Variants in GALNT3 observed in about 807,000 individuals in gnomAD.
GALNT3 encodes the protein GalNAc transferase 3.
In GALNT3, 51 loss-of-function variants were observed where a neutral mutation model predicts 69.8. The observed-to-expected ratio is 0.73, with a 90% CI of 0.58 to 0.92. The LOEUF is 0.92. GALNT3 is among the 40% of genes least tolerant of loss of function. GALNT3 has a pLI of 0.00. For missense variants in GALNT3, 711 were observed against 760.0 expected (o/e 0.94, Z 0.76); for synonymous variants, 265 against 248.5 (o/e 1.07, Z -0.63).
At chr2:165,755,498 T>C (rs772487438) in intron 7 of GALNT3, among the ~76,000 whole-genome samples, 2 of 152,168 alleles carry the variant, frequency 1.3e-5, no homozygotes, top group Non-Finnish European at 2.9e-5. Flanking sequence ...CTATCTCTTC[T>C]CCATCAAGAT....
intron 1 of GALNT3, among the ~76,000 whole-genome samples, chr2:165,777,733 C>G (rs1302822925): frequency 6.6e-6 from 1 of 152,204 alleles, no homozygotes; most frequent in Non-Finnish European, 1.5e-5. Flanking sequence ...TGCATGAAGA[C>G]AGCCACATTC....
chr2:165,753,593 A>G (rs1450645741), intron 9 of GALNT3, among the ~76,000 whole-genome samples: 1 of 152,170 alleles, frequency 6.6e-6, no homozygotes, highest in African/African-American at 2.4e-5. Context: ...TCTGGCATGC[A>G]GGGCTCACTC....
intron 1 of GALNT3, among the ~76,000 whole-genome samples, chr2:165,781,254 A>T (rs928477134): frequency 1.3e-5 from 2 of 152,114 alleles, no homozygotes. Flanking sequence ...GTTACTCTGT[A>T]AACAGGTTGA....
chr2:165,776,324 GAATT>G (rs914123719), intron 1 of GALNT3, among the ~76,000 whole-genome samples: 2 of 152,152 alleles, frequency 1.3e-5, no homozygotes, highest in African/African-American at 4.8e-5. Flanking sequence ...AGAAGTTTGA[GAATT>G]GATAAGAAAA....
chr2:165,757,033 T>C lies in GALNT3; in HGVS notation c.1392+14A>G, dbSNP rs756789966. 7 of 1,590,660 alleles carry C rather than the reference T, an allele frequency of 4.4e-6. No individual in the cohort carries two copies. The East Asian group carries it at 8.9e-5, about 20-fold the overall frequency. ...TAGATTTTATTGCAATTTAACTACT[T>C]AGCTTTAACTTACTTGTTTAACAAT... On this transcript the variant is annotated intron_variant, in intron 7 of 10. Transcript: ENST00000392701.
intron 6 of GALNT3, among the ~76,000 whole-genome samples, chr2:165,757,953 C>T (rs966500943): frequency 6.6e-5 from 10 of 152,124 alleles, no homozygotes; most frequent in African/African-American, 2.2e-4. Context: ...ATACTATGTG[C>T]TTGTAGTAGA....
At chr2:165,761,770 G>T in intron 4 of GALNT3, 135 bp downstream of exon 4, 1 of 935,394 alleles carries the variant, frequency 1.1e-6, no homozygotes, top group Non-Finnish European at 1.8e-6. Context: ...GGCTGTCATT[G>T]CTATAATCGC....
At chr2:165,772,020 C>T (rs1215408487) in intron 1 of GALNT3, among the ~76,000 whole-genome samples, 3 of 152,102 alleles carry the variant, frequency 2.0e-5, no homozygotes, top group Non-Finnish European at 2.9e-5. Context: ...ACATATATTG[C>T]TCATAAAAGT....
Position 165,770,827 on chromosome 2 carries a change from G to T in GALNT3, c.-108-19C>A. 2 of 1,024,488 alleles carry T rather than the reference G, an allele frequency of 2.0e-6. No individual in the cohort carries two copies. The highest frequency in any genetic ancestry group is 3.1e-5 in the South Asian group (2 of 64,440). 63.5% of individuals were successfully genotyped at this position (1,024,488 alleles called of 1,614,324 possible). A position where few individuals can be genotyped will look rare whatever the true frequency, so the allele number is the denominator to read the frequency against. ...GTAGTACCTATAAACAGAAATGATC[G>T]ATGGTATTAGTAGCTATTCAGTCCT... On this transcript the variant is annotated intron_variant, in intron 1 of 10. Coordinates refer to ENST00000392701, the MANE Select transcript of GALNT3 (RefSeq NM_004482.4).
Position 165,761,910 on chromosome 2 carries a change from G to A in GALNT3, c.833C>T (p.Ala278Val), listed in dbSNP as rs762078188. The change falls in exon 4 of 11, where the codon GCT becomes GTT. Residue 278 changes from alanine to valine, a missense_variant. Transcript: ENST00000392701. ...ATCCATACATATATACTTACAGTGAGCATCTAAAAATGTGAGCGTTTCAGC... is the reference window on the plus strand; with the variant it reads ...ATCCATACATATATACTTACAGTGAACATCTAAAAATGTGAGCGTTTCAGC... ...ATAETLTFLD[A>V]HCECFYGWLE... 7 of 1,613,982 alleles carry A rather than the reference G, an allele frequency of 4.3e-6. No homozygotes were observed. The South Asian group carries it at 5.5e-5, about 13-fold the overall frequency.
rs1246089410 is a variant in GALNT3, at chr2:165,758,850, G to A, written c.1088C>T (p.Ala363Val). ...TTTTGATATGGAAAAAAGTCCTCCT[G>A]CAAAAGTGGGTGTTCTGAAAAATAA... ...ETYPIKTPTF[A>V]GGLFSISKEY... Residue 363 changes from alanine (A) to valine (V), a missense_variant, in exon 6 of 11, where the codon GCA becomes GTA. Ala to Val is a moderately conservative substitution (Grantham distance 64, BLOSUM62 0). Coordinates refer to ENST00000392701, the MANE Select transcript of GALNT3 (RefSeq NM_004482.4). 1.4e-5 allele frequency: 23 copies of A among 1,597,954 alleles called. No individual in the cohort carries two copies. The highest frequency in any genetic ancestry group is 1.9e-5 in the Non-Finnish European group (22 of 1,165,700).
chr2:165,783,248 G>A (rs1372714487), intron 1 of GALNT3, among the ~76,000 whole-genome samples: 1 of 152,140 alleles, frequency 6.6e-6, no homozygotes, highest in East Asian at 1.9e-4. Flanking sequence ...TTAGTGAAAG[G>A]AGTGTCTACT....
rs529103525 is a variant in GALNT3, at chr2:165,787,812, G to A, written c.-109+6203C>T. Among the ~76,000 whole-genome samples the A allele has an allele frequency of 9.9e-5, 15 of 152,142 alleles. No individual in the cohort carries two copies. In the East Asian group the frequency reaches 2.7e-3, roughly 27 times the overall value. On this transcript the variant is annotated intron_variant, in intron 1 of 10. Coordinates refer to ENST00000392701, the MANE Select transcript of GALNT3 (RefSeq NM_004482.4). ...CAACAATAATAATATACTCAATTGT[G>A]GAATATGTATAAGCAAAAGCTGCAA...
rs76769010 is a variant in GALNT3 at position 165,752,119 on chromosome 2, C to T, written c.1627-2225G>A. 3.0e-3 allele frequency among the ~76,000 whole-genome samples: 455 copies of T among 152,172 alleles called. 7 individuals are homozygous for T. In the East Asian group the frequency reaches 0.057, roughly 19 times the overall value. On this transcript the variant is annotated intron_variant, in intron 9 of 10. Transcript: ENST00000392701. ...CATGATCAGGTCCCTATCAATGCCCCGACCTCATTTCCTAGTCCTCTTTGC... is the reference window on the plus strand; with the variant it reads ...CATGATCAGGTCCCTATCAATGCCCTGACCTCATTTCCTAGTCCTCTTTGC...
Position 165,759,332 on chromosome 2 carries a change from T to G in GALNT3, c.1073+4A>C, listed in dbSNP as rs1387348722. On this transcript the variant is annotated splice_donor_region_variant and intron_variant, in intron 5 of 10. Coordinates refer to ENST00000392701, the MANE Select transcript of GALNT3 (RefSeq NM_004482.4). ...ATATAAGACTCTGAGAGCAATCATCTTACTTAATTGGGTAGGTTTCATCTT... is the reference window on the plus strand; with the variant it reads ...ATATAAGACTCTGAGAGCAATCATCGTACTTAATTGGGTAGGTTTCATCTT... The G allele has an allele frequency of 6.2e-7, 1 of 1,608,514 alleles. No individual in the cohort carries two copies. The highest frequency in any genetic ancestry group is 1.7e-5 in the Admixed American group (1 of 59,836).
chr2:165,794,427 G>C (rs1683422670), upstream of GALNT3: 1 of 152,562 alleles, frequency 6.6e-6, no homozygotes, highest in South Asian at 2.1e-4. Flanking sequence ...GGTCGGCGAG[G>C]CTGCTGCTCC....
chr2:165,764,551 A>G (rs1402455642), intron 3 of GALNT3, among the ~76,000 whole-genome samples: 1 of 152,226 alleles, frequency 6.6e-6, no homozygotes, highest in African/African-American at 2.4e-5. Flanking sequence ...TAACTTGCCC[A>G]AGTCATATAG....
chr2:165,786,467 C>T (rs1471480987), intron 1 of GALNT3, among the ~76,000 whole-genome samples: 8 of 152,146 alleles, frequency 5.3e-5, no homozygotes, highest in Non-Finnish European at 8.8e-5. Flanking sequence ...ATGTTCATGT[C>T]GCTTTTATAA....
intron 2 of GALNT3, 74 bp downstream of exon 2, chr2:165,770,112 C>T (rs1387347301): frequency 1.3e-6 from 2 of 1,554,102 alleles, no homozygotes; most frequent in Admixed American, 1.7e-5. Flanking sequence ...AAACAGATAA[C>T]TTCCTTAGCT....
Sources: gnomAD v4.1 joint callset for allele counts (sites outside exome capture counted in the v4.1 genomes callset) on GRCh38, gnomAD v4.1.1 for gene constraint, MANE v1.5 for transcripts, NCBI Gene and HGNC (gene_info 2026-07-23, HGNC 2026-07-21) for gene names.